Variants in ZNF451 observed in about 807,000 individuals in gnomAD.
ZNF451 encodes E3 SUMO-protein ligase ZNF451.
Under a neutral mutation model 107.1 loss-of-function variants are expected in ZNF451, and 80 were observed. The observed-to-expected ratio is 0.75, with a 90% CI of 0.62 to 0.90. The LOEUF is 0.90. Among genes scored for constraint, ZNF451 ranks in the 40% least tolerant of loss-of-function variants. ZNF451 has a pLI of 0.00. For missense variants in ZNF451, 1,107 were observed against 1,236.2 expected (o/e 0.90, Z 1.57); for synonymous variants, 362 against 406.5 (o/e 0.89, Z 1.32).
intron 7 of ZNF451, among the ~76,000 whole-genome samples, chr6:57,140,338 GGT>G (rs914379919): frequency 6.6e-6 from 1 of 152,160 alleles, no homozygotes; most frequent in Non-Finnish European, 1.5e-5. Context: ...GGCCAAGGCG[GGT>G]GGATCACTTG....
Position 57,140,771 on chromosome 6 carries a change from G to T in ZNF451, c.703-531G>T, listed in dbSNP as rs185439565. Among the ~76,000 whole-genome samples, 4 of 152,276 alleles carry T rather than the reference G, an allele frequency of 2.6e-5. No homozygotes were observed. The East Asian group carries it at 5.8e-4, about 22-fold the overall frequency. On this transcript the variant is annotated intron_variant, in intron 7 of 14. Transcript: ENST00000370706. ...AGAAGCATTAATTAGAGATATACCA[G>T]CTGATTTTTAGGGATTTCCTTTAGG...
intron 3 of ZNF451, among the ~76,000 whole-genome samples, chr6:57,121,295 G>A (rs1206668534): frequency 6.6e-6 from 1 of 152,160 alleles, no homozygotes; most frequent in East Asian, 1.9e-4. Context: ...TTTATAGTAA[G>A]TTTTGAAGTC....
chr6:57,143,295 T>A (rs751015674), intron 9 of ZNF451, among the ~76,000 whole-genome samples: 2 of 152,184 alleles, frequency 1.3e-5, no homozygotes, highest in Non-Finnish European at 2.9e-5. Context: ...GCTTAAAGAA[T>A]GTATTTTATT....
intron 3 of ZNF451, among the ~76,000 whole-genome samples, chr6:57,114,398 A>G (rs1035078939): frequency 6.6e-5 from 10 of 152,226 alleles, no homozygotes; most frequent in African/African-American, 2.4e-4. Flanking sequence ...AAAAAAATAT[A>G]TACAAATTTG....
chr6:57,159,404 T>G, intron 13 of ZNF451: 1 of 985,398 alleles, frequency 1.0e-6, no homozygotes, highest in South Asian at 4.7e-5. Context: ...GGTATTTTCC[T>G]TTTGTTCTTA....
At chr6:57,108,215 T>C (rs1829957822) in intron 3 of ZNF451, 1 of 985,412 alleles carries the variant, frequency 1.0e-6, no homozygotes, top group Non-Finnish European at 1.2e-6. Context: ...GTAGTCCTTT[T>C]GTAAGACTAA....
At chr6:57,104,223 G>A in intron 3 of ZNF451, 1 of 985,350 alleles carries the variant, frequency 1.0e-6, no homozygotes, top group Non-Finnish European at 1.2e-6. Flanking sequence ...AAAGGCCTAA[G>A]AAATCATACA....
chr6:57,157,764 C>G (rs1562629117), intron 13 of ZNF451, among the ~76,000 whole-genome samples: 1 of 152,106 alleles, frequency 6.6e-6, no homozygotes, highest in Non-Finnish European at 1.5e-5. Flanking sequence ...GGTAGACTTT[C>G]TTAGACCATT....
At chr6:57,143,009 C>G (rs1158513024) in intron 9 of ZNF451, among the ~76,000 whole-genome samples, 1 of 152,056 alleles carries the variant, frequency 6.6e-6, no homozygotes, top group Non-Finnish European at 1.5e-5. Context: ...TTTTGCCAGT[C>G]TTCAAAATTG....
At chr6:57,135,406 A>G (rs986982824) in intron 7 of ZNF451, among the ~76,000 whole-genome samples, 6 of 152,174 alleles carry the variant, frequency 3.9e-5, no homozygotes, top group Non-Finnish European at 7.4e-5. Flanking sequence ...GATAACTTTA[A>G]TGACTTACTA....
intron 9 of ZNF451, among the ~76,000 whole-genome samples, chr6:57,146,464 A>T (rs1294482589): frequency 6.6e-6 from 1 of 152,166 alleles, no homozygotes; most frequent in Non-Finnish European, 1.5e-5. Context: ...ATATGGGTTC[A>T]GTTTTATTCT....
intron 5 of ZNF451, 116 bp from the exon 6 acceptor site, chr6:57,132,926 C>A: frequency 1.0e-6 from 1 of 977,832 alleles, no homozygotes; most frequent in Non-Finnish European, 1.5e-6. Flanking sequence ...TTATAATTAG[C>A]ATCATCCAGT....
chr6:57,137,682 GTC>G (rs1831502163), intron 7 of ZNF451, among the ~76,000 whole-genome samples: 2 of 152,258 alleles, frequency 1.3e-5, no homozygotes, highest in African/African-American at 4.8e-5. Context: ...TCATTTGTGA[GTC>G]TGTTGAAGCT....
chr6:57,116,767 A>G (rs1200750007), intron 3 of ZNF451: 2 of 151,878 alleles, frequency 1.3e-5, no homozygotes, highest in African/African-American at 4.8e-5. Flanking sequence ...ATCTGTTTTC[A>G]GTATTGGTAG....
intron 4 of ZNF451, chr6:57,126,591 A>C (rs1014664071): frequency 1.3e-5 from 2 of 152,058 alleles, no homozygotes; most frequent in African/African-American, 4.8e-5. Context: ...TTTGTGCTGG[A>C]GAGGTTTCAA....
chr6:57,141,914 A>G, intron 8 of ZNF451, 34 bp from the exon 9 acceptor site: 1 of 1,597,568 alleles, frequency 6.3e-7, no homozygotes, highest in Non-Finnish European at 8.6e-7. Context: ...GTACTCAAAT[A>G]ACTTTGCAAA....
chr6:57,114,262 AAGTG>A (rs1830259672), intron 3 of ZNF451, among the ~76,000 whole-genome samples: 2 of 152,230 alleles, frequency 1.3e-5, no homozygotes, highest in South Asian at 4.1e-4. Context: ...GGTCAGGTCT[AAGTG>A]AGCTGAATAA....
rs749963138 is a variant in ZNF451 at position 57,124,857 on chromosome 6, A to G, written c.310A>G (p.Arg104Gly). 1.9e-6 allele frequency: 3 copies of G among 1,587,572 alleles called. No homozygotes were observed. Among genetic ancestry groups the G allele is most frequent in the South Asian group, 1.2e-5 (1 of 85,116 alleles). Reference sequence around the variant, plus strand: ...GAAAGAAGAGAAGAATAGAGCATTCAGAGTATGTGCTATTTTAATTGGTAT... The same window carrying G: ...GAAAGAAGAGAAGAATAGAGCATTCGGAGTATGTGCTATTTTAATTGGTAT... Reference protein sequence around the residue: ...QQKEEKNRAFREKIDFQHAHG... With the variant: ...QQKEEKNRAFGEKIDFQHAHG... The change falls in exon 4 of 15, where the codon AGA (arginine) becomes GGA (glycine). Residue 104 changes from arginine to glycine, a missense_variant and splice_region_variant. Around this residue, in one of 5 missense-constraint regions of ZNF451, gnomAD observed 339 missense variants for 372.8 expected, o/e 0.91. Coordinates refer to ENST00000370706, the MANE Select transcript of ZNF451 (RefSeq NM_001031623.3).
chr6:57,104,171 C>G, intron 3 of ZNF451: 1 of 985,346 alleles, frequency 1.0e-6, no homozygotes. Flanking sequence ...AAGTGTCTTT[C>G]AAACTAAACT....
Sources: gnomAD v4.1 joint callset for allele counts (sites outside exome capture counted in the v4.1 genomes callset) on GRCh38, gnomAD v4.1.1 for gene constraint, gnomAD v4.1.1 regional missense constraint, MANE v1.5 for transcripts, NCBI Gene and HGNC (gene_info 2026-07-23, HGNC 2026-07-21) for gene names.